The following TRPM3 variants were observed in gnomAD, a reference collection of about 807,000 sequenced individuals.
TRPM3 encodes transient receptor potential cation channel subfamily M member 3, also known as long transient receptor potential channel 3.
Under a neutral mutation model 181.2 loss-of-function variants are expected in TRPM3, and 77 were observed. The observed-to-expected ratio is 0.42, with a 90% confidence interval of 0.35 to 0.51. The LOEUF (loss-of-function observed/expected upper bound fraction) is 0.51. Ranked by LOEUF, TRPM3 falls within the 20% of genes least tolerant of loss-of-function variation. The pLI is 0.01. For missense variants in TRPM3, 1,759 were observed against 2,196.7 expected (o/e 0.80, Z 3.98); for synonymous variants, 745 against 796.4 (o/e 0.94, Z 1.09).
At chr9:71,367,931 C>A (rs559573553) in intron 1 of TRPM3, among the ~76,000 whole-genome samples, 1 of 141,338 alleles carries the variant, frequency 7.1e-6, no homozygotes, top group Admixed American at 7.5e-5. Context: ...GTCTTAGTAT[C>A]TTCCTAAGCA....
intron 12 of TRPM3, among the ~76,000 whole-genome samples, chr9:70,626,813 C>G (rs1356858711): frequency 6.6e-6 from 1 of 152,160 alleles, no homozygotes; most frequent in Non-Finnish European, 1.5e-5. Context: ...TGTCCTTACT[C>G]AGCTTTTCTA....
intron 18 of TRPM3, among the ~76,000 whole-genome samples, chr9:70,615,545 C>A (rs935181470): frequency 2.0e-5 from 3 of 152,220 alleles, no homozygotes; most frequent in Non-Finnish European, 4.4e-5. Flanking sequence ...GTGAAGCCGG[C>A]TGCTCTCAAA....
intron 1 of TRPM3, among the ~76,000 whole-genome samples, chr9:71,381,729 T>C (rs181135185): frequency 1.3e-5 from 2 of 151,982 alleles, no homozygotes; most frequent in Non-Finnish European, 2.9e-5. Flanking sequence ...GGAATGGGAG[T>C]ATGTCTATCT....
intron 1 of TRPM3, among the ~76,000 whole-genome samples, chr9:71,288,062 T>A (rs887059381): frequency 1.3e-4 from 20 of 152,116 alleles, no homozygotes; most frequent in African/African-American, 4.3e-4. Flanking sequence ...TTAAATATTT[T>A]TAAAATGTTA....
At chr9:71,409,447 G>A (rs144230353) in intron 1 of TRPM3, among the ~76,000 whole-genome samples, 6,793 of 152,170 alleles carry the variant, frequency 0.045, 210 homozygotes, top group Non-Finnish European at 0.07. Context: ...AAAAAAGGCA[G>A]GGGTTGCAAA....
At chr9:71,084,627 T>C (rs1274144877) in intron 1 of TRPM3, among the ~76,000 whole-genome samples, 2 of 151,886 alleles carry the variant, frequency 1.3e-5, no homozygotes, top group African/African-American at 4.8e-5. Context: ...TTCTAGATGA[T>C]ACAAACAAAT....
At chr9:70,934,994 T>G (rs2096813499) in intron 1 of TRPM3, among the ~76,000 whole-genome samples, 1 of 152,168 alleles carries the variant, frequency 6.6e-6, no homozygotes, top group African/African-American at 2.4e-5. Context: ...TCTTAGAGAA[T>G]AAAATGTAAA....
At position 71,002,471 on chromosome 9, in the gene TRPM3, T is replaced by C. The variant is rs76426138; in HGVS notation, c.177+118707A>G. On this transcript the variant is annotated intron_variant, in intron 1 of 25. Coordinates refer to ENST00000677713, the MANE Select transcript of TRPM3 (RefSeq NM_001366145.2). ...AAGAAATGAAAGACCGAGTTTAATA[T>C]GCACAACACAATTATTTTACATTGA... 4.9e-3 allele frequency among the ~76,000 whole-genome samples: 753 copies of C among 152,330 alleles called. 18 individuals are homozygous for C. The East Asian group carries it at 0.077, about 16-fold the overall frequency.
rs71507025 is a variant in TRPM3, at chr9:71,156,376, GACACACAC to G, written c.183+290269_183+290276del. ...CATTAGGTATTATATATATACTACA[GACACACAC>G]ACACACACACACACACACACACACA... On this transcript the variant is annotated intron_variant, in intron 1 of 24. Coordinates refer to the TRPM3 transcript ENST00000357533. 7.4e-3 allele frequency among the ~76,000 whole-genome samples: 1,028 copies of G among 138,432 alleles called. 15 individuals carry two copies. Among genetic ancestry groups the G allele is most frequent in the Admixed American group, 0.035 (461 of 13,346 alleles). 90.8% of individuals were successfully genotyped at this position (138,432 alleles called of 152,430 possible).
At chr9:70,865,458 G>T (rs1248540805) in intron 1 of TRPM3, 1 of 152,058 alleles carries the variant, frequency 6.6e-6, no homozygotes, top group Non-Finnish European at 1.5e-5. Flanking sequence ...ATTTCTACAT[G>T]GCATCATCTT....
chr9:71,312,993 C>T (rs1370683535), intron 1 of TRPM3, among the ~76,000 whole-genome samples: 1 of 151,988 alleles, frequency 6.6e-6, no homozygotes, highest in East Asian at 1.9e-4. Context: ...TACACATTTG[C>T]CAAAACTCAT....
intron 1 of TRPM3, among the ~76,000 whole-genome samples, chr9:70,938,625 C>A (rs1308869462): frequency 2.0e-5 from 3 of 152,112 alleles, no homozygotes. Flanking sequence ...GTCTCCCTTA[C>A]CAAGGTGTCT....
intron 1 of TRPM3, among the ~76,000 whole-genome samples, chr9:71,387,922 T>A (rs2092965003): frequency 6.6e-6 from 1 of 152,184 alleles, no homozygotes; most frequent in Non-Finnish European, 1.5e-5. Flanking sequence ...TTCTACTCAA[T>A]CATATATTGT....
intron 3 of TRPM3, among the ~76,000 whole-genome samples, chr9:70,850,236 C>G (rs2095170108): frequency 6.6e-6 from 1 of 152,108 alleles, no homozygotes; most frequent in African/African-American, 2.4e-5. Flanking sequence ...CAAAAACTTT[C>G]AGATATCTAT....
At chr9:70,577,637 A>G (rs1472802475) in intron 22 of TRPM3, among the ~76,000 whole-genome samples, 2 of 152,250 alleles carry the variant, frequency 1.3e-5, no homozygotes, top group African/African-American at 4.8e-5. Flanking sequence ...CCTGTATTCA[A>G]TATAATCTGC....
chr9:71,235,674 T>C (rs2081316440), intron 1 of TRPM3, among the ~76,000 whole-genome samples: 1 of 152,204 alleles, frequency 6.6e-6, no homozygotes, highest in African/African-American at 2.4e-5. Flanking sequence ...AAATTGGAAA[T>C]TGGCAGTAAG....
intron 9 of TRPM3, among the ~76,000 whole-genome samples, chr9:70,678,469 G>C (rs754203418): frequency 6.6e-6 from 1 of 152,072 alleles, no homozygotes; most frequent in Non-Finnish European, 1.5e-5. Context: ...GGATAAGTCT[G>C]TATAATATAA....
chr9:71,440,125 A>AAAAT (rs567623898), intron 1 of TRPM3, among the ~76,000 whole-genome samples: 1 of 152,110 alleles, frequency 6.6e-6, no homozygotes, highest in South Asian at 2.1e-4. Context: ...TCCATCTCAA[A>AAAAT]AAATAAATAA....
intron 1 of TRPM3, among the ~76,000 whole-genome samples, chr9:70,933,031 G>A (rs1049082832): frequency 1.3e-5 from 2 of 152,074 alleles, no homozygotes; most frequent in African/African-American, 4.8e-5. Flanking sequence ...CAAAAGAGAG[G>A]ATGGTTTCAA....
Sources: gnomAD v4.1 joint callset for allele counts (sites outside exome capture counted in the v4.1 genomes callset) on GRCh38, gnomAD v4.1.1 for gene constraint, MANE v1.5 for transcripts, NCBI Gene and HGNC (gene_info 2026-07-23, HGNC 2026-07-21) for gene names.